Variants in C4BPA observed in about 807,000 individuals in gnomAD.
C4BPA encodes complement component 4 binding protein alpha.
Under a neutral mutation model 63.7 loss-of-function variants are expected in C4BPA, and 31 were observed. The ratio of observed to expected loss-of-function variants is 0.49; its 90% CI spans 0.37 to 0.66. C4BPA has a LOEUF of 0.66. C4BPA is among the 30% of genes least tolerant of loss of function. The probability of loss-of-function intolerance (pLI) is 0.00; values close to 1 mark genes in which losing one functional copy is unlikely to be tolerated. For synonymous variants in C4BPA, 259 were observed against 254.7 expected (o/e 1.02, Z -0.16); for missense variants, 572 against 723.3 (o/e 0.79, Z 2.40).
intron 1 of C4BPA, among the ~76,000 whole-genome samples, chr1:207,105,086 T>C (rs867415829): frequency 6.6e-6 from 1 of 152,356 alleles, no homozygotes; most frequent in Middle Eastern, 3.4e-3. Context: ...CTGGTCCTCA[T>C]TTTAATTCTT....
chr1:207,128,285 T>C (rs528106611), intron 7 of C4BPA, among the ~76,000 whole-genome samples: 103 of 152,158 alleles, frequency 6.8e-4, no homozygotes, highest in Non-Finnish European at 1.1e-3. Flanking sequence ...TGGGTGGCAG[T>C]GCCAGTTCCT....
chr1:207,139,785 T>G (rs1309112404), intron 9 of C4BPA, among the ~76,000 whole-genome samples: 1 of 152,218 alleles, frequency 6.6e-6, no homozygotes, highest in Non-Finnish European at 1.5e-5. Flanking sequence ...TTCATTACTG[T>G]GCAAACCTTC....
chr1:207,143,313 C>T (rs1021792006), intron 10 of C4BPA, among the ~76,000 whole-genome samples: 1 of 146,294 alleles, frequency 6.8e-6, no homozygotes, highest in East Asian at 2.1e-4. Context: ...GGGAGGGGAA[C>T]ATCACACACT....
At chr1:207,129,149 G>A (rs1470903062) in intron 7 of C4BPA, among the ~76,000 whole-genome samples, 1 of 151,932 alleles carries the variant, frequency 6.6e-6, no homozygotes. Context: ...AACACAGTAA[G>A]TAAAATGAAA....
At chr1:207,140,122 G>A (rs1685382164) in intron 9 of C4BPA, among the ~76,000 whole-genome samples, 1 of 152,208 alleles carries the variant, frequency 6.6e-6, no homozygotes, top group African/African-American at 2.4e-5. Flanking sequence ...CATATGAGCA[G>A]CTTTCTGACT....
intron 8 of C4BPA, among the ~76,000 whole-genome samples, chr1:207,132,520 A>C (rs1685183378): frequency 6.6e-6 from 1 of 152,238 alleles, no homozygotes; most frequent in African/African-American, 2.4e-5. Context: ...AAATAATGAA[A>C]AGTGGTAGTT....
intron 1 of C4BPA, among the ~76,000 whole-genome samples, chr1:207,104,936 A>T (rs1233227795): frequency 2.0e-5 from 3 of 152,212 alleles, no homozygotes; most frequent in Non-Finnish European, 4.4e-5. Flanking sequence ...TAAGGAGGAC[A>T]CTGGCCAGCC....
chr1:207,124,749 C>G (rs897491618), intron 6 of C4BPA, among the ~76,000 whole-genome samples: 1 of 152,194 alleles, frequency 6.6e-6, no homozygotes, highest in African/African-American at 2.4e-5. Context: ...TATGGCACCT[C>G]CATTTCAAAA....
At chr1:207,140,808 G>A (rs1446741211) in intron 9 of C4BPA, among the ~76,000 whole-genome samples, 2 of 152,130 alleles carry the variant, frequency 1.3e-5, no homozygotes, top group African/African-American at 4.8e-5. Flanking sequence ...AGTATGATAT[G>A]ACCTAAGGCT....
rs149057748 is a variant in C4BPA at position 207,143,963 on chromosome 1, C to T, written c.1590C>T (p.Thr530=). The T allele has an allele frequency of 7.4e-5, 119 of 1,600,600 alleles. No homozygotes were observed. In the East Asian group the frequency reaches 1.1e-3, roughly 14 times the overall value. The change falls in exon 11 of 12, where the codon ACC becomes ACT. Residue 530 remains threonine, a synonymous_variant. Coordinates refer to ENST00000367070, the MANE Select transcript of C4BPA (RefSeq NM_000715.4). ...GTATCACTTGCTCTGGGAACAGAAC[C>T]TGGTACCCAGAGGTGCCCAAGTGTG... ...PQSITCSGNR[T]WYPEVPKCEW...
intron 9 of C4BPA, among the ~76,000 whole-genome samples, chr1:207,137,907 C>T (rs929838876): frequency 3.9e-5 from 6 of 152,176 alleles, no homozygotes; most frequent in Admixed American, 1.3e-4. Flanking sequence ...CATGAACCAC[C>T]GCACTGAGCC....
In C4BPA at chr1:207,144,534, T is replaced by C. The variant is rs369449446; in HGVS notation, c.1621-10T>C. On this transcript the variant is annotated splice_polypyrimidine_tract_variant and intron_variant, in intron 11 of 11. Transcript: ENST00000367070. ...GCTTCTCAATCACACCCACCACTTA[T>C]ATCTTTTAGGAGACCCCCGAAGGCT... The C allele has an allele frequency of 1.9e-6, 3 of 1,589,672 alleles. No individual in the cohort carries two copies. The highest frequency in any genetic ancestry group is 2.7e-5 in the African/African-American group (2 of 73,380).
rs200240900 is a variant in C4BPA, at chr1:207,131,510, G to A, written c.890-36G>A. Reference sequence around the variant, plus strand: ...CTGCTGTGGCAGCCCTAGTAATAGCGTCCTTTTGTTCTTCTTCTTCTTCTT... The same window carrying A: ...CTGCTGTGGCAGCCCTAGTAATAGCATCCTTTTGTTCTTCTTCTTCTTCTT... On this transcript the variant is annotated intron_variant, in intron 7 of 11. Coordinates refer to ENST00000367070, the MANE Select transcript of C4BPA (RefSeq NM_000715.4). The A allele has an allele frequency of 6.0e-5, 88 of 1,475,716 alleles. No homozygotes were observed. In the East Asian group the frequency reaches 7.3e-4, roughly 12 times the overall value. 91.4% of individuals were successfully genotyped at this position (1,475,716 alleles called of 1,614,324 possible).
intron 1 of C4BPA, among the ~76,000 whole-genome samples, chr1:207,105,852 GAT>G (rs1420502392): frequency 2.0e-5 from 3 of 152,198 alleles, no homozygotes; most frequent in Non-Finnish European, 4.4e-5. Context: ...GCTAAGTGCT[GAT>G]ATTATTTTTC....
chr1:207,133,015 AC>A (rs1389682434), intron 8 of C4BPA, among the ~76,000 whole-genome samples: 2 of 152,226 alleles, frequency 1.3e-5, no homozygotes, highest in African/African-American at 4.8e-5. Context: ...ACAGAGCAGG[AC>A]CCAGTTGTTT....
At position 207,126,858 on chromosome 1, in the gene C4BPA, T is replaced by C; in HGVS notation, c.852T>C (p.Asp284=). 6.2e-7 allele frequency: 1 copy of C among 1,613,240 alleles called. No individual in the cohort carries two copies. Among genetic ancestry groups the C allele is most frequent in the Non-Finnish European group, 8.5e-7 (1 of 1,179,554 alleles). The change falls in exon 7 of 12, where the codon GAT becomes GAC. Residue 284 remains aspartate (D), a synonymous_variant. Coordinates refer to ENST00000367070, the MANE Select transcript of C4BPA (RefSeq NM_000715.4). The part of the protein sequence containing the change: ...RGSSVIHCDA[D]SKWNPSPPAC... The stretch of plus-strand genomic sequence containing the variant: ...GCAGTGTAATTCATTGTGATGCTGA[T>C]AGCAAATGGAATCCTTCTCCTCCTG...
chr1:207,131,714 G>C lies in C4BPA; in HGVS notation c.1058G>C (p.Arg353Thr). The C allele has an allele frequency of 6.2e-7, 1 of 1,613,272 alleles. No individual in the cohort carries two copies. The highest frequency in any genetic ancestry group is 8.5e-7 in the Non-Finnish European group (1 of 1,179,700). The stretch of plus-strand genomic sequence containing the variant: ...ACTGTGATTTGTCAGAAAAATTTGA[G>C]ATGGACCCCATACCAAGGATGTGAG... Reference protein sequence around the residue: ...PTTVICQKNLRWTPYQGCEAL... With the variant: ...PTTVICQKNLTWTPYQGCEAL... Residue 353 changes from arginine (R) to threonine (T), a missense_variant, in exon 8 of 12, where the codon AGA (arginine) becomes ACA (threonine). Arg to Thr is a moderately conservative substitution (Grantham distance 71). Around this residue, in one of 2 missense-constraint regions of C4BPA, gnomAD observed 465 missense variants for 629.4 expected, o/e 0.74. Coordinates refer to ENST00000367070, the MANE Select transcript of C4BPA (RefSeq NM_000715.4).
intron 1 of C4BPA, among the ~76,000 whole-genome samples, chr1:207,111,058 CTTA>C (rs1181953261): frequency 6.6e-6 from 1 of 152,158 alleles, no homozygotes; most frequent in African/African-American, 2.4e-5. Flanking sequence ...CATAACATAT[CTTA>C]TTGGGTGGGA....
intron 3 of C4BPA, among the ~76,000 whole-genome samples, 171 bp from the exon 4 acceptor site, chr1:207,115,245 G>A (rs749098411): frequency 6.6e-6 from 1 of 152,184 alleles, no homozygotes; most frequent in Non-Finnish European, 1.5e-5. Flanking sequence ...AAAAAAAGGT[G>A]ATCAAATTTT....
Sources: gnomAD v4.1 joint callset for allele counts (sites outside exome capture counted in the v4.1 genomes callset) on GRCh38, gnomAD v4.1.1 for gene constraint, gnomAD v4.1.1 regional missense constraint, MANE v1.5 for transcripts, NCBI Gene and HGNC (gene_info 2026-07-23, HGNC 2026-07-21) for gene names.